Variants in SAXO3 observed in about 807,000 individuals in gnomAD.
The protein encoded by SAXO3 is CTB-60B18.10.
At chr19:49,018,586 C>A in the SAXO3 span, among the ~76,000 whole-genome samples, 138 of 152,184 alleles carry the variant, frequency 9.1e-4, no homozygotes, top group African/African-American at 3.2e-3. Flanking sequence ...GAAGGAGTAT[C>A]TGGGGGCTCA....
At chr19:49,019,789 C>T in the SAXO3 span, 3 of 1,228,788 alleles carry the variant, frequency 2.4e-6, no homozygotes, top group Non-Finnish European at 3.2e-6. Flanking sequence ...CAGTGGGAGG[C>T]GCCAGCCGCG....
the SAXO3 span, chr19:49,018,998 A>G: frequency 1.3e-6 from 2 of 1,532,224 alleles, no homozygotes; most frequent in Non-Finnish European, 1.7e-6. Context: ...AGGCAATTAG[A>G]GCCTGAGCAA....
At chr19:49,020,398 G>T in the SAXO3 span, 1 of 401,864 alleles carries the variant, frequency 2.5e-6, no homozygotes, top group African/African-American at 2.1e-5. Context: ...GGGGTGAAGG[G>T]TATGGGTGGG....
the SAXO3 span, chr19:49,018,134 G>C: frequency 2.5e-6 from 1 of 400,276 alleles, no homozygotes; most frequent in Admixed American, 4.4e-5. Flanking sequence ...GGGGCTGTAG[G>C]ACTCCTGAGC....
chr19:49,018,162 G>T, the SAXO3 span: 1 of 404,550 alleles, frequency 2.5e-6, no homozygotes, highest in Non-Finnish European at 4.3e-6. Flanking sequence ...AGGGCTCCCC[G>T]GTGCGGCATG....
At chr19:49,020,144 C>A in the SAXO3 span, 21 of 636,212 alleles carry the variant, frequency 3.3e-5, no homozygotes, top group Admixed American at 7.5e-4. Flanking sequence ...GCTAGAAAGA[C>A]TCAGGAGTCC....
chr19:49,020,090 A>T, the SAXO3 span: 1 of 1,366,092 alleles, frequency 7.3e-7, no homozygotes. Context: ...AACTTGGGGT[A>T]GAGGGTCCGC....
the SAXO3 span, chr19:49,020,253 A>G: frequency 2.1e-6 from 1 of 465,354 alleles, no homozygotes; most frequent in Non-Finnish European, 3.8e-6. Flanking sequence ...CTCCTCTCTC[A>G]GACCCAGAAC....
At chr19:49,020,248 C>T in the SAXO3 span, 3 of 466,472 alleles carry the variant, frequency 6.4e-6, no homozygotes, top group East Asian at 7.0e-5. Context: ...GGTGCCTCCT[C>T]TCTCAGACCC....
At chr19:49,020,231 C>A in the SAXO3 span, 38 of 474,374 alleles carry the variant, frequency 8.0e-5, no homozygotes, top group Admixed American at 1.6e-4. Flanking sequence ...TGGCATTCAG[C>A]TTCCCTGGTG....
At chr19:49,018,105 G>A in the SAXO3 span, 1 of 399,336 alleles carries the variant, frequency 2.5e-6, no homozygotes, top group Non-Finnish European at 4.4e-6. Context: ...CGGTCGAGCC[G>A]CCGGAGCGGG....
chr19:49,019,540 C>T, the SAXO3 span: 24 of 1,167,770 alleles, frequency 2.1e-5, no homozygotes, highest in East Asian at 3.2e-5. Context: ...CTCGCGATCC[C>T]GCCCCAGACC....
chr19:49,019,610 C>T, the SAXO3 span: 569 of 1,255,952 alleles, frequency 4.5e-4, 1 homozygote, highest in African/African-American at 8.1e-3. Flanking sequence ...CCCGGAGCTC[C>T]GCCCCGTCTC....
chr19:49,019,291 T>C, the SAXO3 span: 3 of 1,195,942 alleles, frequency 2.5e-6, no homozygotes, highest in Non-Finnish European at 3.1e-6. Context: ...ACCTCCCTGG[T>C]TCCGCTCTGT....
At chr19:49,019,257 C>G in the SAXO3 span, 1 of 1,307,052 alleles carries the variant, frequency 7.7e-7, no homozygotes, top group Non-Finnish European at 9.7e-7. Flanking sequence ...GAACTCAAAC[C>G]CAAGCCCCCA....
At chr19:49,019,691 G>A in the SAXO3 span, 1 of 1,215,636 alleles carries the variant, frequency 8.2e-7, no homozygotes, top group Non-Finnish European at 1.1e-6. Flanking sequence ...TGTGGGGGCT[G>A]GGGCCCGAAG....
the SAXO3 span, chr19:49,020,471 G>T: frequency 1.5e-5 from 6 of 398,982 alleles, no homozygotes; most frequent in African/African-American, 4.1e-5. Flanking sequence ...CAGGTACCTC[G>T]GTTGCAGAGA....
the SAXO3 span, chr19:49,018,766 G>A: frequency 4.0e-6 from 4 of 988,620 alleles, no homozygotes; most frequent in Non-Finnish European, 4.5e-6. Flanking sequence ...CAGAAGTCGA[G>A]GCTGAGACCA....
chr19:49,020,533 G>A, the SAXO3 span: 2 of 398,712 alleles, frequency 5.0e-6, no homozygotes, highest in Non-Finnish European at 8.8e-6. Context: ...CCCCCACTCC[G>A]TAGCCAAGCA....
Sources: gnomAD v4.1 joint callset for allele counts (sites outside exome capture counted in the v4.1 genomes callset) on GRCh38, gnomAD v4.1.1 for gene constraint, MANE v1.5 for transcripts, NCBI Gene and HGNC (gene_info 2026-07-23, HGNC 2026-07-21) for gene names.